The following CCPG1 variants were observed in gnomAD, a reference collection of about 807,000 sequenced individuals.
CCPG1 encodes cell cycle progression 1, also known as cell cycle progression protein 1.
CCPG1 carries 46 observed loss-of-function variants against 81.3 expected under a neutral mutation model. The ratio of observed to expected loss-of-function variants is 0.57; its 90% confidence interval spans 0.45 to 0.72. The LOEUF is 0.72. Among genes scored for constraint, CCPG1 ranks in the 30% least tolerant of loss-of-function variants. The pLI is 0.00. For missense variants in CCPG1, 902 were observed against 937.6 expected (o/e 0.96, Z 0.50); for synonymous variants, 330 against 305.2 (o/e 1.08, Z -0.85).
intron 8 of CCPG1, 187 bp downstream of exon 8, chr15:55,359,352 T>C (rs1277580451): frequency 2.2e-6 from 3 of 1,348,746 alleles, no homozygotes; most frequent in Non-Finnish European, 2.8e-6. Flanking sequence ...TATAATGAAA[T>C]GTTCCATTTG....
intron 1 of CCPG1, among the ~76,000 whole-genome samples, chr15:55,399,417 CAAAAAAAA>C (rs56191750): frequency 3.3e-4 from 21 of 63,132 alleles, no homozygotes; most frequent in African/African-American, 9.9e-4. Flanking sequence ...ACTAAAAATA[CAAAAAAAA>C]AAAAAAAAAA....
chr15:55,391,887 A>AAGG (rs1555409781), intron 1 of CCPG1, among the ~76,000 whole-genome samples: 10 of 44,702 alleles, frequency 2.2e-4, no homozygotes, highest in East Asian at 2.4e-3. Flanking sequence ...AAAAAAAAAA[A>AAGG]GGGGGGGGGG....
intron 3 of CCPG1, among the ~76,000 whole-genome samples, chr15:55,381,157 C>G (rs909199040): frequency 6.7e-6 from 1 of 150,084 alleles, no homozygotes; most frequent in Non-Finnish European, 1.5e-5. Flanking sequence ...AAAATTAGGC[C>G]GGGCACAGTG....
At chr15:55,367,920 A>G (rs1431710068) in intron 6 of CCPG1, among the ~76,000 whole-genome samples, 5 of 152,028 alleles carry the variant, frequency 3.3e-5, no homozygotes, top group African/African-American at 1.2e-4. Flanking sequence ...ACTATTCTAC[A>G]TTTTTCCATA....
chr15:55,358,718 C>T, intron 8 of CCPG1: 4 of 985,454 alleles, frequency 4.1e-6, no homozygotes, highest in Non-Finnish European at 4.8e-6. Context: ...CATTTATTTA[C>T]TTAGCTTGTG....
At chr15:55,391,545 CAG>C (rs112398324) in intron 1 of CCPG1, among the ~76,000 whole-genome samples, 26,949 of 151,958 alleles carry the variant, frequency 0.18, 4,111 homozygotes, top group African/African-American at 0.42. Flanking sequence ...TATGCAATGA[CAG>C]AAATACACAA....
At chr15:55,369,044 G>A (rs1241831992) in intron 6 of CCPG1, among the ~76,000 whole-genome samples, 2 of 152,122 alleles carry the variant, frequency 1.3e-5, no homozygotes, top group African/African-American at 2.4e-5. Context: ...CCTGGGAGAC[G>A]GAGGTGGCAG....
chr15:55,391,335 G>C (rs540148606), intron 1 of CCPG1, among the ~76,000 whole-genome samples: 2 of 152,284 alleles, frequency 1.3e-5, no homozygotes, highest in South Asian at 4.1e-4. Flanking sequence ...AGGCTGGTCT[G>C]GAAGGCCTGG....
chr15:55,368,588 T>C (rs1048433707), intron 6 of CCPG1, among the ~76,000 whole-genome samples: 3 of 152,216 alleles, frequency 2.0e-5, no homozygotes, highest in African/African-American at 7.2e-5. Flanking sequence ...ATTTGGAATG[T>C]TGATAGTCAC....
At chr15:55,382,768 C>T (rs2056727218) in intron 3 of CCPG1, among the ~76,000 whole-genome samples, 1 of 152,118 alleles carries the variant, frequency 6.6e-6, no homozygotes, top group Non-Finnish European at 1.5e-5. Context: ...CTCAGCCTCC[C>T]AAAGTGCTGG....
intron 3 of CCPG1, among the ~76,000 whole-genome samples, chr15:55,384,712 A>G (rs1243329281): frequency 6.6e-6 from 1 of 152,160 alleles, no homozygotes; most frequent in Non-Finnish European, 1.5e-5. Flanking sequence ...TAAAAATGAG[A>G]CACAGAGACA....
chr15:55,388,758 T>C (rs140268153), intron 2 of CCPG1, among the ~76,000 whole-genome samples: 1 of 143,664 alleles, frequency 7.0e-6, no homozygotes, highest in Admixed American at 6.9e-5. Flanking sequence ...AGCAAGATCC[T>C]GTCCCTTTAA....
intron 3 of CCPG1, among the ~76,000 whole-genome samples, chr15:55,380,351 A>T (rs2056658809): frequency 6.7e-6 from 1 of 149,650 alleles, no homozygotes; most frequent in Admixed American, 6.7e-5. Flanking sequence ...GCTGGAGTGC[A>T]GTGGCGCCGT....
At chr15:55,401,679 A>C (rs1471325357) in intron 1 of CCPG1, among the ~76,000 whole-genome samples, 1 of 148,038 alleles carries the variant, frequency 6.8e-6, no homozygotes, top group Non-Finnish European at 1.5e-5. Context: ...AAAAAAAAAA[A>C]ACCACTACTA....
At chr15:55,374,958 C>G (rs756409870) in intron 5 of CCPG1, among the ~76,000 whole-genome samples, 1 of 152,200 alleles carries the variant, frequency 6.6e-6, no homozygotes, top group South Asian at 2.1e-4. Flanking sequence ...AGCCAAAGTG[C>G]CCGGCCCCAA....
At chr15:55,383,880 A>G (rs908756671) in intron 3 of CCPG1, among the ~76,000 whole-genome samples, 6 of 152,210 alleles carry the variant, frequency 3.9e-5, no homozygotes, top group Non-Finnish European at 7.3e-5. Flanking sequence ...CAAGACCACT[A>G]AAATTTTCTC....
chr15:55,372,115 A>C (rs1285740765), intron 5 of CCPG1, 71 bp from the exon 6 acceptor site: 2 of 1,425,922 alleles, frequency 1.4e-6, no homozygotes, highest in African/African-American at 1.4e-5. Context: ...AATTATTTAG[A>C]ATAATCAATG....
chr15:55,365,054 A>T lies in CCPG1; in HGVS notation c.828+134T>A. 5.1e-6 allele frequency: 3 copies of T among 592,166 alleles called. No homozygotes were observed. The South Asian group carries it at 7.2e-5, about 14-fold the overall frequency. The allele number at this position is 592,166 out of a possible 1,614,324, so 36.7% of individuals were successfully genotyped here. On this transcript the variant is annotated intron_variant, in intron 7 of 8. Transcript: ENST00000442196. ...TCATGACAATGACTAGGACACACTA[A>T]ATACCCGTACTCAATTCAACAATGA...
chr15:55,356,124 C>T lies in CCPG1; in HGVS notation c.*96G>A. ...TGATACTTAGAAACAAAAGAAAAGA[C>T]ATTGTCATCTTGGTAATTTCATTAG... On this transcript the variant is annotated 3_prime_UTR_variant, in exon 9 of 9. Coordinates refer to ENST00000442196, the MANE Select transcript of CCPG1 (RefSeq NM_001204450.2). 1 of 895,380 alleles carries T rather than the reference C, an allele frequency of 1.1e-6. No individual in the cohort carries two copies. The highest frequency in any genetic ancestry group is 3.3e-5 in the Admixed American group (1 of 30,668). 55.5% of individuals were successfully genotyped at this position (895,380 alleles called of 1,614,324 possible).
Sources: allele counts gnomAD v4.1 joint callset (sites outside exome capture counted in the v4.1 genomes callset), GRCh38; gene constraint gnomAD v4.1.1; transcripts MANE v1.5; gene names NCBI Gene and HGNC (gene_info 2026-07-23, HGNC 2026-07-21).